The following RNGTT variants were observed in gnomAD, a reference collection of about 807,000 sequenced individuals.
RNGTT encodes mRNA-capping enzyme.
RNGTT carries 33 observed loss-of-function variants against 79.3 expected under a neutral mutation model. The observed-to-expected ratio is 0.42, with a 90% CI of 0.32 to 0.56. The LOEUF (loss-of-function observed/expected upper bound fraction) is 0.56, where lower values mean the gene tolerates loss of function less well. Among genes scored for constraint, RNGTT ranks in the 20% least tolerant of loss-of-function variants. The pLI, the probability that RNGTT is intolerant of heterozygous loss-of-function variation, is 0.17. For synonymous variants in RNGTT, 222 were observed against 235.9 expected, an observed-to-expected ratio of 0.94 and a Z score of 0.54; for missense variants, 497 against 739.1, an observed-to-expected ratio of 0.67 and a Z score of 3.80.
chr6:88,770,757 G>A (rs1778627826), intron 12 of RNGTT, among the ~76,000 whole-genome samples: 1 of 152,180 alleles, frequency 6.6e-6, no homozygotes, highest in Non-Finnish European at 1.5e-5. Flanking sequence ...AAGTCCATTT[G>A]CTCCATATCC....
chr6:88,950,167 A>C (rs1038764903), intron 1 of RNGTT, among the ~76,000 whole-genome samples: 4 of 152,164 alleles, frequency 2.6e-5, no homozygotes, highest in Non-Finnish European at 5.9e-5. Context: ...AATTTTTTGA[A>C]CCCCACTGTT....
intron 4 of RNGTT, among the ~76,000 whole-genome samples, chr6:88,921,597 A>ATT (rs567358605): frequency 6.7e-6 from 1 of 149,716 alleles, no homozygotes. Flanking sequence ...GTACTCTCAA[A>ATT]TTTTTTTTTT....
At chr6:88,940,358 C>T (rs1562062453) in intron 2 of RNGTT, among the ~76,000 whole-genome samples, 1 of 152,178 alleles carries the variant, frequency 6.6e-6, no homozygotes. Context: ...GGATTACAGG[C>T]ATGAGCCATG....
intron 11 of RNGTT, among the ~76,000 whole-genome samples, chr6:88,833,891 G>A (rs868391441): frequency 5.3e-5 from 8 of 152,014 alleles, no homozygotes; most frequent in African/African-American, 1.9e-4. Context: ...GTGTGGTGGC[G>A]CACACCTGAT....
intron 10 of RNGTT, 83 bp from the exon 11 acceptor site, chr6:88,844,604 T>C (rs1407141415): frequency 1.5e-6 from 2 of 1,298,736 alleles, no homozygotes; most frequent in East Asian, 2.3e-5. Context: ...ACAATGTACA[T>C]AATAGTCTGT....
chr6:88,779,886 G>T (rs200848328), intron 12 of RNGTT, among the ~76,000 whole-genome samples: 1 of 152,050 alleles, frequency 6.6e-6, no homozygotes, highest in Non-Finnish European at 1.5e-5. Context: ...CCAGCCACCT[G>T]GGGGGGCCAA....
chr6:88,818,978 A>G (rs1229329549), intron 11 of RNGTT, among the ~76,000 whole-genome samples: 1 of 152,202 alleles, frequency 6.6e-6, no homozygotes, highest in Non-Finnish European at 1.5e-5. Context: ...TATCCACATC[A>G]CAGTTTCAAT....
chr6:88,775,311 C>A (rs1469278539), intron 12 of RNGTT, among the ~76,000 whole-genome samples: 2 of 152,148 alleles, frequency 1.3e-5, no homozygotes, highest in Admixed American at 6.5e-5. Flanking sequence ...TAAGTACAGT[C>A]ATTGTGCTGT....
intron 4 of RNGTT, among the ~76,000 whole-genome samples, chr6:88,910,597 C>T (rs778285299): frequency 2.0e-5 from 3 of 152,110 alleles, no homozygotes; most frequent in Non-Finnish European, 2.9e-5. Context: ...AAAATGTCTC[C>T]AAAGTTGCTA....
At chr6:88,736,737 A>G (rs1777300169) in intron 13 of RNGTT, among the ~76,000 whole-genome samples, 1 of 152,242 alleles carries the variant, frequency 6.6e-6, no homozygotes, top group Non-Finnish European at 1.5e-5. Context: ...CTACGAAATT[A>G]TCTGAGCAGA....
At chr6:88,950,814 A>G (rs1785217506) in intron 1 of RNGTT, among the ~76,000 whole-genome samples, 1 of 152,094 alleles carries the variant, frequency 6.6e-6, no homozygotes. Context: ...CCTGGAGGAC[A>G]CAGTGAGATA....
chr6:88,896,934 A>C (rs1044413698), intron 6 of RNGTT, among the ~76,000 whole-genome samples: 1 of 152,170 alleles, frequency 6.6e-6, no homozygotes, highest in Non-Finnish European at 1.5e-5. Context: ...TCTTTGTCCA[A>C]CTGGAACATC....
chr6:88,744,422 C>T (rs1332533011), intron 13 of RNGTT, among the ~76,000 whole-genome samples: 6 of 151,940 alleles, frequency 3.9e-5, no homozygotes, highest in Non-Finnish European at 8.8e-5. Context: ...CCAGCACGCC[C>T]GGCTAATTTT....
chr6:88,752,075 A>C (rs994984716), intron 13 of RNGTT, among the ~76,000 whole-genome samples: 4 of 151,992 alleles, frequency 2.6e-5, no homozygotes, highest in African/African-American at 9.7e-5. Context: ...CCAGAGATAA[A>C]AGGACTGCAT....
chr6:88,890,907 G>A (rs1390101790), intron 7 of RNGTT, among the ~76,000 whole-genome samples: 1 of 152,092 alleles, frequency 6.6e-6, no homozygotes, highest in Non-Finnish European at 1.5e-5. Context: ...TGTACTTCAG[G>A]AAGAAGTTTA....
chr6:88,919,154 GGTAT>G (rs1562026732), intron 4 of RNGTT, among the ~76,000 whole-genome samples: 3 of 152,054 alleles, frequency 2.0e-5, no homozygotes, highest in African/African-American at 7.2e-5. Context: ...CCATTAATTA[GGTAT>G]ACTACAAGCT....
chr6:88,890,989 A>G (rs988687814), intron 7 of RNGTT, among the ~76,000 whole-genome samples: 3 of 152,206 alleles, frequency 2.0e-5, no homozygotes, highest in Admixed American at 2.0e-4. Flanking sequence ...CCAACTTGAC[A>G]TAACTGCAAG....
At chr6:88,660,493 G>A (rs1774141262) in intron 14 of RNGTT, among the ~76,000 whole-genome samples, 1 of 150,496 alleles carries the variant, frequency 6.6e-6, no homozygotes, top group African/African-American at 2.5e-5. Context: ...AACACCAAAA[G>A]TGAGCAGGAG....
chr6:88,674,426 C>A (rs1012508874), intron 14 of RNGTT, among the ~76,000 whole-genome samples: 1 of 151,982 alleles, frequency 6.6e-6, no homozygotes, highest in Non-Finnish European at 1.5e-5. Context: ...GTAGTTCCAG[C>A]TACCTGGGAG....
Sources: gnomAD v4.1 joint callset for allele counts (sites outside exome capture counted in the v4.1 genomes callset) on GRCh38, gnomAD v4.1.1 for gene constraint, MANE v1.5 for transcripts, NCBI Gene and HGNC (gene_info 2026-07-23, HGNC 2026-07-21) for gene names.